Variants in ASCC3 observed in about 807,000 individuals in gnomAD.
ASCC3 encodes ASC-1 complex subunit P200.
In ASCC3, 158 loss-of-function variants were observed where a neutral mutation model predicts 256.3. The ratio of observed to expected loss-of-function variants is 0.62; its 90% CI spans 0.54 to 0.70. The LOEUF (loss-of-function observed/expected upper bound fraction) is 0.70, where lower values mean the gene tolerates loss of function less well. Among genes scored for constraint, ASCC3 ranks in the 30% least tolerant of loss-of-function variants. The pLI is 0.00. For synonymous variants in ASCC3, 948 were observed against 883.4 expected (o/e 1.07, Z -1.30); for missense variants, 2,259 against 2,626.0 (o/e 0.86, Z 3.05).
intron 40 of ASCC3, among the ~76,000 whole-genome samples, chr6:100,511,417 TCAAA>T (rs1294890838): frequency 7.2e-5 from 11 of 151,942 alleles, no homozygotes; most frequent in East Asian, 5.8e-4. Context: ...AAATTCCATC[TCAAA>T]CAAACAAACA....
At chr6:100,627,737 T>C in intron 28 of ASCC3, 27 bp from the exon 29 acceptor site, 1 of 1,611,010 alleles carries the variant, frequency 6.2e-7, no homozygotes, top group Non-Finnish European at 8.5e-7. Context: ...AGAGAAACCA[T>C]TTTCAATTTT....
intron 30 of ASCC3, among the ~76,000 whole-genome samples, chr6:100,607,934 T>C (rs1430966403): frequency 1.3e-5 from 2 of 148,792 alleles, no homozygotes; most frequent in African/African-American, 4.9e-5. Context: ...TAAGTCGATG[T>C]GATAGCCTTT....
chr6:100,697,665 A>G (rs1342538151), intron 13 of ASCC3, among the ~76,000 whole-genome samples: 13 of 152,186 alleles, frequency 8.5e-5, no homozygotes, highest in African/African-American at 2.6e-4. Flanking sequence ...TGGGAAGACA[A>G]GAATGAAAAA....
chr6:100,787,957 C>T (rs1769170673), intron 8 of ASCC3, among the ~76,000 whole-genome samples: 2 of 150,866 alleles, frequency 1.3e-5, no homozygotes, highest in South Asian at 2.1e-4. Context: ...AAAGCATAAT[C>T]GAGTTTTTTT....
chr6:100,872,310 A>T (rs904185807), intron 1 of ASCC3, among the ~76,000 whole-genome samples: 2 of 152,156 alleles, frequency 1.3e-5, no homozygotes, highest in Admixed American at 6.5e-5. Context: ...CTTCATTTTT[A>T]TTCTAACTCA....
intron 17 of ASCC3, 83 bp downstream of exon 17, chr6:100,655,616 G>A (rs1775877173): frequency 6.7e-7 from 1 of 1,486,444 alleles, no homozygotes; most frequent in South Asian, 1.2e-5. Context: ...TGAGGCAAGA[G>A]CAGCAAACAA....
intron 36 of ASCC3, among the ~76,000 whole-genome samples, chr6:100,576,719 TA>T (rs1770883161): frequency 6.6e-6 from 1 of 151,974 alleles, no homozygotes; most frequent in Admixed American, 6.6e-5. Context: ...GGGATTAAAA[TA>T]AATGGGTTTC....
chr6:100,746,122 AAT>A, intron 10 of ASCC3, among the ~76,000 whole-genome samples: 1 of 151,660 alleles, frequency 6.6e-6, no homozygotes, highest in Non-Finnish European at 1.5e-5. Context: ...TTTCAGGTAA[AAT>A]CATCAATCCA....
At position 100,800,807 on chromosome 6, in the gene ASCC3, T is replaced by C. The variant is rs141067942; in HGVS notation, c.923-303A>G. ...GGAACCTAAAAATTCAATTTTATCA[T>C]TTGAAATAATTTGTTTATATAATTT... On this transcript the variant is annotated intron_variant, in intron 5 of 41. Coordinates refer to ENST00000369162, the MANE Select transcript of ASCC3 (RefSeq NM_006828.4). Among the ~76,000 whole-genome samples the C allele has an allele frequency of 6.1e-3, 921 of 151,774 alleles. 12 individuals carry two copies. The highest frequency in any genetic ancestry group is 0.021 in the African/African-American group (872 of 41,504).
chr6:100,654,294 C>T (rs181184468), intron 17 of ASCC3, among the ~76,000 whole-genome samples: 2,694 of 141,958 alleles, frequency 0.019, 35 homozygotes, highest in Non-Finnish European at 0.029. Flanking sequence ...AACATTAAAA[C>T]ACACAAATCA....
chr6:100,594,722 C>T (rs911053798), intron 34 of ASCC3, among the ~76,000 whole-genome samples: 1 of 152,022 alleles, frequency 6.6e-6, no homozygotes, highest in Non-Finnish European at 1.5e-5. Flanking sequence ...GTTGAAGAGA[C>T]GTCTGCACTC....
intron 13 of ASCC3, among the ~76,000 whole-genome samples, chr6:100,696,363 T>C (rs535095981): frequency 6.6e-6 from 1 of 152,278 alleles, no homozygotes; most frequent in East Asian, 1.9e-4. Context: ...CATGGATAAT[T>C]GTATCAGATT....
chr6:100,821,343 A>G (rs927241410), intron 4 of ASCC3, among the ~76,000 whole-genome samples: 33 of 152,282 alleles, frequency 2.2e-4, no homozygotes, highest in African/African-American at 7.5e-4. Flanking sequence ...GAATCACTAT[A>G]TGGCCCAATA....
intron 8 of ASCC3, among the ~76,000 whole-genome samples, chr6:100,773,853 C>T (rs1396270705): frequency 1.3e-5 from 2 of 152,112 alleles, no homozygotes; most frequent in African/African-American, 4.8e-5. Context: ...TACATAATGT[C>T]CTCCAAAGAA....
In ASCC3 at chr6:100,653,104, TG is replaced by T. The variant is rs528310893; in HGVS notation, c.2824-216del. 7.2e-5 allele frequency among the ~76,000 whole-genome samples: 11 copies of T among 152,292 alleles called. No homozygotes were observed. In the South Asian group the frequency reaches 2.3e-3, roughly 32 times the overall value. ...CTTAAAAATTCATTAAAATTATCAA[TG>T]TGCATATTCTTTTCAGATACCAATA... On this transcript the variant is annotated intron_variant, in intron 17 of 41. Coordinates refer to ENST00000369162, the MANE Select transcript of ASCC3 (RefSeq NM_006828.4).
At chr6:100,714,632 A>G (rs1320218607) in intron 13 of ASCC3, among the ~76,000 whole-genome samples, 1 of 151,734 alleles carries the variant, frequency 6.6e-6, no homozygotes, top group Admixed American at 6.6e-5. Flanking sequence ...AAGAACTAGA[A>G]AAGGTTAGCA....
At chr6:100,630,693 G>GA (rs538302017) in intron 26 of ASCC3, among the ~76,000 whole-genome samples, 218 of 151,358 alleles carry the variant, frequency 1.4e-3, no homozygotes, top group African/African-American at 5.0e-3. Context: ...AATTATTAAT[G>GA]AAAAAAACCC....
intron 1 of ASCC3, among the ~76,000 whole-genome samples, chr6:100,870,048 G>A (rs568369201): frequency 6.6e-6 from 1 of 152,130 alleles, no homozygotes; most frequent in African/African-American, 2.4e-5. Flanking sequence ...TAACATCAAA[G>A]TAAAAGTTTA....
At position 100,825,883 on chromosome 6, in the gene ASCC3, C is replaced by G. The variant is rs1400561472; in HGVS notation, c.802-20003G>C. Among the ~76,000 whole-genome samples, 4 of 151,644 alleles carry G rather than the reference C, an allele frequency of 2.6e-5. No individual in the cohort carries two copies. The East Asian group carries it at 7.8e-4, about 30-fold the overall frequency. ...TCAATCTCTGATATTCTTTCTTCTG[C>G]TTGATTGACTCGGCTATTGATACTT... On this transcript the variant is annotated intron_variant, in intron 4 of 41. Coordinates refer to ENST00000369162, the MANE Select transcript of ASCC3 (RefSeq NM_006828.4).
Sources: gnomAD v4.1 joint callset for allele counts (sites outside exome capture counted in the v4.1 genomes callset) on GRCh38, gnomAD v4.1.1 for gene constraint, MANE v1.5 for transcripts, NCBI Gene and HGNC (gene_info 2026-07-23, HGNC 2026-07-21) for gene names.